BRF1: variants seen among roughly 807,000 people sequenced by gnomAD.
BRF1 encodes BRF1 general transcription factor IIIB subunit.
Under a neutral mutation model 81.7 loss-of-function variants are expected in BRF1, and 59 were observed. The ratio of observed to expected loss-of-function variants is 0.72; its 90% CI spans 0.59 to 0.90. The LOEUF (loss-of-function observed/expected upper bound fraction) is 0.90, where lower values mean the gene tolerates loss of function less well. Ranked by LOEUF, BRF1 falls within the 40% of genes least tolerant of loss-of-function variation. The pLI, the probability that BRF1 is intolerant of heterozygous loss-of-function variation, is 0.00. For synonymous variants in BRF1, 491 were observed against 395.6 expected (o/e 1.24, Z -2.86); for missense variants, 1,050 against 936.3 (o/e 1.12, Z -1.58).
In BRF1 at chr14:105,217,607, A is replaced by G. The variant is rs1042712745; in HGVS notation, c.1709T>C (p.Leu570Pro). 1.2e-6 allele frequency: 2 copies of G among 1,613,422 alleles called. No homozygotes were observed. The highest frequency in any genetic ancestry group is 1.7e-5 in the Admixed American group (1 of 60,032). Reference sequence around the variant, plus strand: ...GCTGGCCGGCGTCCTCCTTCGTGACAGCTTCCTGGCACTGGCGCTATGCTC... The same window carrying G: ...GCTGGCCGGCGTCCTCCTTCGTGACGGCTTCCTGGCACTGGCGCTATGCTC... ...QPEHSASARK[L>P]SRRRTPASRS... is the part of the protein sequence containing the mutation. The change falls in exon 15 of 18, where the codon CTG becomes CCG. Residue 570 changes from leucine (L) to proline (P), a missense_variant. Around this residue, in one of 2 missense-constraint regions of BRF1, gnomAD observed 1,043 missense variants for 915.4 expected, o/e 1.14. Transcript: ENST00000547530.
chr14:105,266,467 G>T (rs2056423165), intron 3 of BRF1, among the ~76,000 whole-genome samples: 1 of 151,762 alleles, frequency 6.6e-6, no homozygotes, highest in African/African-American at 2.4e-5. Flanking sequence ...ACAGATTAAG[G>T]GGAAAATGTA....
intron 1 of BRF1, among the ~76,000 whole-genome samples, chr14:105,307,607 TC>T (rs912916850): frequency 2.6e-5 from 4 of 152,138 alleles, no homozygotes; most frequent in African/African-American, 9.7e-5. Context: ...AATAGCCCTG[TC>T]CCCCCATGCA....
At chr14:105,264,663 T>C (rs1373736181) in intron 3 of BRF1, among the ~76,000 whole-genome samples, 2 of 95,720 alleles carry the variant, frequency 2.1e-5, no homozygotes, top group Non-Finnish European at 4.0e-5. Flanking sequence ...TGAGACTCCA[T>C]CTCAAAAAAA....
At chr14:105,248,909 C>G (rs986357143) in intron 5 of BRF1, 1 of 987,154 alleles carries the variant, frequency 1.0e-6, no homozygotes, top group Non-Finnish European at 1.2e-6. Context: ...GCGCCGCGGC[C>G]GCGGACCTAG....
intron 3 of BRF1, among the ~76,000 whole-genome samples, chr14:105,268,366 A>G (rs2056514065): frequency 6.6e-6 from 1 of 152,274 alleles, no homozygotes; most frequent in African/African-American, 2.4e-5. Context: ...AGCCAGGAGC[A>G]GACTCAGGCC....
At chr14:105,274,563 C>A (rs926785342) in intron 2 of BRF1, among the ~76,000 whole-genome samples, 1 of 152,208 alleles carries the variant, frequency 6.6e-6, no homozygotes, top group Admixed American at 6.5e-5. Flanking sequence ...CGGCAACATC[C>A]GAGCACACGC....
intron 2 of BRF1, among the ~76,000 whole-genome samples, chr14:105,278,261 T>C (rs2056925599): frequency 6.6e-6 from 1 of 151,978 alleles, no homozygotes; most frequent in Non-Finnish European, 1.5e-5. Flanking sequence ...AAGACCAGCC[T>C]GGGCAACATA....
At position 105,223,049 on chromosome 14, in the gene BRF1, T is replaced by G. The variant is rs587677727; in HGVS notation, c.1049-1135A>C. Among the ~76,000 whole-genome samples the G allele has an allele frequency of 2.9e-4, 44 of 152,214 alleles. 1 individual carries two copies. In the South Asian group the frequency reaches 8.5e-3, roughly 29 times the overall value. On this transcript the variant is annotated intron_variant, in intron 10 of 17. Transcript: ENST00000547530. ...TCTATGAAGAAATGTAAAAATTATC[T>G]GGGTGTGGTGGTGCCCGCCTGCAGT... is the stretch of plus-strand genomic sequence containing the variant.
intron 5 of BRF1, chr14:105,248,931 G>A (rs2055360642): frequency 1.0e-6 from 1 of 984,194 alleles, no homozygotes; most frequent in African/African-American, 1.8e-5. Flanking sequence ...CAACAGCAAC[G>A]CCGGCGCCGC....
At chr14:105,249,267 C>T in intron 5 of BRF1, 1 of 1,564,036 alleles carries the variant, frequency 6.4e-7, no homozygotes, top group East Asian at 2.3e-5. Context: ...GGCGGCCCCT[C>T]TCGGAACGCG....
chr14:105,242,601 G>A (rs2054762307), intron 5 of BRF1: 1 of 151,832 alleles, frequency 6.6e-6, no homozygotes, highest in Non-Finnish European at 1.5e-5. Context: ...AGGGCGTGGT[G>A]GTGCATGCCT....
intron 1 of BRF1, among the ~76,000 whole-genome samples, chr14:105,294,724 G>C (rs1377094283): frequency 2.0e-5 from 3 of 152,140 alleles, no homozygotes; most frequent in Non-Finnish European, 2.9e-5. Context: ...GGGAAAAAAA[G>C]ACACAAAACA....
At chr14:105,249,729 C>G in intron 5 of BRF1, 1 of 1,613,906 alleles carries the variant, frequency 6.2e-7, no homozygotes. Context: ...CCAGCATTGG[C>G]AAAAGCCTGT....
chr14:105,274,571 C>A (rs1171315702), intron 2 of BRF1, among the ~76,000 whole-genome samples: 1 of 152,222 alleles, frequency 6.6e-6, no homozygotes, highest in African/African-American at 2.4e-5. Flanking sequence ...TCCGAGCACA[C>A]GCGCCTCCCT....
chr14:105,225,082 CCACATTCCCGGGACATG>C (rs1460682071), intron 10 of BRF1, among the ~76,000 whole-genome samples: 1 of 152,160 alleles, frequency 6.6e-6, no homozygotes, highest in African/African-American at 2.4e-5. Flanking sequence ...GCTCCGGCTG[CCACATTCCCGGGACATG>C]CACATTCCCT....
At chr14:105,283,136 AGCC>A (rs2140458885) in intron 2 of BRF1, among the ~76,000 whole-genome samples, 1 of 152,234 alleles carries the variant, frequency 6.6e-6, no homozygotes, top group East Asian at 1.9e-4. Flanking sequence ...CGGCGGGCCC[AGCC>A]AGCCAAGGCA....
rs748541228 is a variant in BRF1 at position 105,221,801 on chromosome 14, C to T, written c.1162G>A (p.Gly388Ser). The part of the protein sequence containing the change: ...NKDLYRELLG[G>S]APGSSEAAGS... Reference sequence around the variant, plus strand: ...GCTGCTTCCGAGCTGCCGGGGGCACCACCAAGGAGCTCCCGGTATAAGTCT... The same window carrying T: ...GCTGCTTCCGAGCTGCCGGGGGCACTACCAAGGAGCTCCCGGTATAAGTCT... The change falls in exon 11 of 18, where the codon GGT becomes AGT. Residue 388 changes from glycine to serine, a missense_variant. Physicochemically the swap from Gly to Ser is moderately conservative, Grantham distance 56 (BLOSUM62 0). Around this residue, in one of 2 missense-constraint regions of BRF1, gnomAD observed 1,043 missense variants for 915.4 expected, o/e 1.14. Coordinates refer to ENST00000547530, the MANE Select transcript of BRF1 (RefSeq NM_001519.4). 29 of 1,611,630 alleles carry T rather than the reference C, an allele frequency of 1.8e-5. No homozygotes were observed. The highest frequency in any genetic ancestry group is 4.0e-5 in the African/African-American group (3 of 74,896).
At chr14:105,252,469 G>C in intron 5 of BRF1, 38 bp downstream of exon 5, 1 of 1,606,222 alleles carries the variant, frequency 6.2e-7, no homozygotes, top group East Asian at 2.2e-5. Context: ...CCCTACAGCA[G>C]CCTGCCGGAC....
upstream of BRF1, among the ~76,000 whole-genome samples, chr14:105,303,041 A>G (rs8015973): frequency 0.34 from 51,635 of 151,282 alleles, 9,357 homozygotes; most frequent in African/African-American, 0.46. Flanking sequence ...TGATTCTGTC[A>G]CTTCAGCCTC....
Sources: gnomAD v4.1 joint callset for allele counts (sites outside exome capture counted in the v4.1 genomes callset) on GRCh38, gnomAD v4.1.1 for gene constraint, gnomAD v4.1.1 regional missense constraint, MANE v1.5 for transcripts, NCBI Gene and HGNC (gene_info 2026-07-23, HGNC 2026-07-21) for gene names.